DDX39B: variants seen among roughly 807,000 people sequenced by gnomAD.
DDX39B encodes spliceosome RNA helicase DDX39B.
A neutral mutation model predicts 46.4 loss-of-function variants in DDX39B; 6 were observed. The ratio of observed to expected loss-of-function variants is 0.13; its 90% CI spans 0.07 to 0.26. The LOEUF (loss-of-function observed/expected upper bound fraction) is 0.26, where lower values mean the gene tolerates loss of function less well. DDX39B is among the 10% of genes least tolerant of loss of function. The pLI is 1.00. For synonymous variants in DDX39B, 174 were observed against 199.4 expected, an observed-to-expected ratio of 0.87 and a Z score of 1.07; for missense variants, 185 against 553.4, an observed-to-expected ratio of 0.33 and a Z score of 6.68.
At chr6:31,540,767 C>A (rs1206533816) in intron 1 of DDX39B, 103 bp from the exon 2 acceptor site, 2 of 572,276 alleles carry the variant, frequency 3.5e-6, no homozygotes, top group African/African-American at 1.9e-5. Flanking sequence ...GAAACTTTTA[C>A]CTGGAAAGAA....
rs1001010377 is a variant in DDX39B at position 31,531,062 on chromosome 6, G to A, written c.1113C>T (p.Tyr371=). 9 of 1,614,026 alleles carry A rather than the reference G, an allele frequency of 5.6e-6. No individual in the cohort carries two copies. Among genetic ancestry groups the A allele is most frequent in the Non-Finnish European group, 7.6e-6 (9 of 1,180,028 alleles). The stretch of plus-strand genomic sequence containing the variant: ...AGCCTGTGAGGTTTACCCGATGCAG[G>A]TAGGTGTCAGAATCCTCAGGCATGT... The part of the protein sequence containing the change: ...NYDMPEDSDT[Y]LHRVARAGRF... Residue 371 remains tyrosine (Y), a synonymous_variant, in exon 9 of 11, where the codon TAC becomes TAT. Coordinates refer to ENST00000396172, the MANE Select transcript of DDX39B (RefSeq NM_004640.7). This position sits in a 1 kb window ranked among gnomAD's most constrained non-coding sequence, Gnocchi z 5.8.
intron 1 of DDX39B, chr6:31,541,001 A>C (rs1490090918): frequency 4.5e-6 from 2 of 447,522 alleles, no homozygotes; most frequent in Non-Finnish European, 9.0e-6. Context: ...TAACTTAGTA[A>C]AGTGGAAAAT....
In DDX39B at chr6:31,535,550, T is replaced by C. The variant is rs560131473; in HGVS notation, c.617-65A>G. 7.7e-7 allele frequency: 1 copy of C among 1,306,690 alleles called. No individual in the cohort carries two copies. The highest frequency in any genetic ancestry group is 1.1e-6 in the Non-Finnish European group (1 of 912,414). 80.9% of individuals were successfully genotyped at this position (1,306,690 alleles called of 1,614,324 possible). A position where few individuals can be genotyped will look rare whatever the true frequency, so the allele number is the denominator to read the frequency against. On this transcript the variant is annotated intron_variant, in intron 5 of 10. Coordinates refer to ENST00000396172, the MANE Select transcript of DDX39B (RefSeq NM_004640.7). The surrounding 1 kb of genome is among the most constrained non-coding windows in gnomAD (Gnocchi z 4.6). ...AGGTATGATAAACAAAGATTAGAGG[T>C]AGACTTCCCAGTGAGGTGAAGATTG...
In DDX39B at chr6:31,541,927, T is replaced by G. The variant is rs1411198497; in HGVS notation, c.-133+23A>C. On this transcript the variant is annotated intron_variant, in intron 1 of 10. Coordinates refer to ENST00000396172, the MANE Select transcript of DDX39B (RefSeq NM_004640.7). The stretch of plus-strand genomic sequence containing the variant: ...GCGGAGAAGCGCAGATGGAAACGGA[T>G]TGTAGCGAAGGCCAAAGCTTACCTA... 4.6e-6 allele frequency: 3 copies of G among 645,426 alleles called. No homozygotes were observed. In the African/African-American group the frequency reaches 5.4e-5, roughly 12 times the overall value. 40.0% of individuals were successfully genotyped at this position (645,426 alleles called of 1,614,324 possible).
chr6:31,539,993 T>G (rs1768226023), intron 2 of DDX39B, among the ~76,000 whole-genome samples: 2 of 152,236 alleles, frequency 1.3e-5, no homozygotes, highest in South Asian at 4.1e-4. Flanking sequence ...CCCCTGATTT[T>G]TTCTTCCTCA....
At chr6:31,533,212 C>A in intron 6 of DDX39B, 1 of 311,534 alleles carries the variant, frequency 3.2e-6, no homozygotes, top group South Asian at 2.9e-5. Flanking sequence ...GATGCCATTA[C>A]CTCAAATAGA....
chr6:31,535,173 T>G lies in DDX39B; in HGVS notation c.735+194A>C. The G allele has an allele frequency of 1.6e-6, 1 of 622,118 alleles. No homozygotes were observed. The highest frequency in any genetic ancestry group is 2.9e-6 in the Non-Finnish European group (1 of 346,044). The allele number at this position is 622,118 out of a possible 1,614,324, so 38.5% of individuals were successfully genotyped here. On this transcript the variant is annotated intron_variant, in intron 6 of 10. Transcript: ENST00000396172. The surrounding 1 kb of genome is among the most constrained non-coding windows in gnomAD (Gnocchi z 4.6). Reference sequence around the variant, plus strand: ...TTAACCCGACCAAGTCTTCCGGAGTTTCCCTGGCACCCGCGCAGGCCCTAA... The same window carrying G: ...TTAACCCGACCAAGTCTTCCGGAGTGTCCCTGGCACCCGCGCAGGCCCTAA...
At chr6:31,536,761 A>C in intron 4 of DDX39B, 78 bp from the exon 5 acceptor site, 1 of 1,518,052 alleles carries the variant, frequency 6.6e-7, no homozygotes, top group Non-Finnish European at 8.8e-7. Context: ...ACTCTGTTTG[A>C]GCTAAACCAA....
chr6:31,540,947 C>A (rs921634718), intron 1 of DDX39B: 2 of 415,952 alleles, frequency 4.8e-6, no homozygotes, highest in Admixed American at 3.0e-5. Flanking sequence ...CTGAAAGTAA[C>A]AGTGAGGAAA....
At position 31,530,958 on chromosome 6, in the gene DDX39B, C is replaced by T. The variant is rs1295393864; in HGVS notation, c.1123-32G>A. The T allele has an allele frequency of 6.2e-7, 1 of 1,613,742 alleles. No homozygotes were observed. The highest frequency in any genetic ancestry group is 8.5e-7 in the Non-Finnish European group (1 of 1,179,798). ...GGAGACAGAGGGTAGCACTGGAAGA[C>T]CGAAGAGGAAAGAGACCCAGAGGCA... On this transcript the variant is annotated intron_variant, in intron 9 of 10. Transcript: ENST00000396172. The surrounding 1 kb of genome is among the most constrained non-coding windows in gnomAD (Gnocchi z 4.5).
At chr6:31,536,057 C>T (rs142267072) in intron 5 of DDX39B, among the ~76,000 whole-genome samples, 4 of 152,336 alleles carry the variant, frequency 2.6e-5, no homozygotes, top group African/African-American at 7.2e-5. Context: ...TAGAATACCA[C>T]ATCACACAAA....
chr6:31,531,509 A>G lies in DDX39B; in HGVS notation c.868-104T>C. 1 of 912,536 alleles carries G rather than the reference A, an allele frequency of 1.1e-6. No individual in the cohort carries two copies. Among genetic ancestry groups the G allele is most frequent in the Non-Finnish European group, 1.7e-6 (1 of 578,714 alleles). The allele number at this position is 912,536 out of a possible 1,614,324, so 56.5% of individuals were successfully genotyped here. On this transcript the variant is annotated intron_variant, in intron 7 of 10. Transcript: ENST00000396172. The surrounding 1 kb of genome is among the most constrained non-coding windows in gnomAD (Gnocchi z 5.8). ...GGGAGTTTCTAGTAATTACGTTCTC[A>G]GGAATTCCTCTTCATTTCTCTTATT...
intron 1 of DDX39B, chr6:31,541,517 G>C (rs958708224): frequency 7.4e-6 from 3 of 402,894 alleles, no homozygotes; most frequent in African/African-American, 4.2e-5. Flanking sequence ...GCAAGTCAAG[G>C]TGAGAAAAAT....
chr6:31,535,147 A>G lies in DDX39B; in HGVS notation c.735+220T>C, dbSNP rs1346808620. ...AAAGTCGAACACTACCCGCTCTCACATTAACCCGACCAAGTCTTCCGGAGT... is the reference window on the plus strand; with the variant it reads ...AAAGTCGAACACTACCCGCTCTCACGTTAACCCGACCAAGTCTTCCGGAGT... On this transcript the variant is annotated intron_variant, in intron 6 of 10. Transcript: ENST00000396172. This position sits in a 1 kb window ranked among gnomAD's most constrained non-coding sequence, Gnocchi z 4.6. 2 of 604,958 alleles carry G rather than the reference A, an allele frequency of 3.3e-6. No homozygotes were observed. The highest frequency in any genetic ancestry group is 3.7e-5 in the African/African-American group (2 of 54,194). 37.5% of individuals were successfully genotyped at this position (604,958 alleles called of 1,614,324 possible). A position where few individuals can be genotyped will look rare whatever the true frequency, so the allele number is the denominator to read the frequency against.
rs765387543 is a variant in DDX39B, at chr6:31,538,717, C to T, written c.432+46G>A. 18 of 1,547,442 alleles carry T rather than the reference C, an allele frequency of 1.2e-5. No individual in the cohort carries two copies. The Admixed American group carries it at 1.5e-4, about 13-fold the overall frequency. On this transcript the variant is annotated intron_variant, in intron 4 of 10. Transcript: ENST00000396172. ...ATTGGCCTACAAGTTTCTTATCCCT[C>T]CAACTTGCCACACCCTCACTCTCAG...
In DDX39B at chr6:31,539,083, C is replaced by T. The variant is rs779310325; in HGVS notation, c.339+64G>A. Reference sequence around the variant, plus strand: ...CTCTGCAAGCATCATGTAGCTAGGACAAAAACACCCTTCCCTTATAGTCCT... The same window carrying T: ...CTCTGCAAGCATCATGTAGCTAGGATAAAAACACCCTTCCCTTATAGTCCT... On this transcript the variant is annotated intron_variant, in intron 3 of 10. Coordinates refer to ENST00000396172, the MANE Select transcript of DDX39B (RefSeq NM_004640.7). 10 of 1,613,344 alleles carry T rather than the reference C, an allele frequency of 6.2e-6. No individual in the cohort carries two copies. The African/African-American group carries it at 1.3e-4, about 22-fold the overall frequency.
In DDX39B at chr6:31,531,576, A is replaced by C; in HGVS notation, c.868-171T>G. ...AGAGCAGAAAAGGAAATATAACTTT[A>C]CTTCAGCACTGATTTTTCCCTAAGG... On this transcript the variant is annotated intron_variant, in intron 7 of 10. Transcript: ENST00000396172. The surrounding 1 kb of genome is among the most constrained non-coding windows in gnomAD (Gnocchi z 5.8). The C allele has an allele frequency of 3.0e-6, 2 of 663,370 alleles. No individual in the cohort carries two copies. The highest frequency in any genetic ancestry group is 5.1e-6 in the Non-Finnish European group (2 of 392,684). The allele number at this position is 663,370 out of a possible 1,614,324, so 41.1% of individuals were successfully genotyped here.
Position 31,534,211 on chromosome 6 carries a change from G to A in DDX39B, c.735+1156C>T, listed in dbSNP as rs1020187564. The A allele has an allele frequency of 1.7e-5, 4 of 228,820 alleles. No individual in the cohort carries two copies. The East Asian group carries it at 4.7e-4, about 27-fold the overall frequency. The allele number at this position is 228,820 out of a possible 1,614,324, so 14.2% of individuals were successfully genotyped here. A position where few individuals can be genotyped will look rare whatever the true frequency, so the allele number is the denominator to read the frequency against. On this transcript the variant is annotated intron_variant, in intron 6 of 10. Transcript: ENST00000396172. This position sits in a 1 kb window ranked among gnomAD's most constrained non-coding sequence, Gnocchi z 5.1. ...GACAAAGTCTCACTACACTGCCCCAGCTAGTCTCAAATTCCTGGGCTCAAG... is the reference window on the plus strand; with the variant it reads ...GACAAAGTCTCACTACACTGCCCCAACTAGTCTCAAATTCCTGGGCTCAAG...
chr6:31,534,282 G>A lies in DDX39B; in HGVS notation c.735+1085C>T. Reference sequence around the variant, plus strand: ...CCCAAAGTGCTGGGATTAGAGGTGAGCCACCAGGCCCAGCCAAGGCAGGCT... The same window carrying A: ...CCCAAAGTGCTGGGATTAGAGGTGAACCACCAGGCCCAGCCAAGGCAGGCT... On this transcript the variant is annotated intron_variant, in intron 6 of 10. Coordinates refer to ENST00000396172, the MANE Select transcript of DDX39B (RefSeq NM_004640.7). The surrounding 1 kb of genome is among the most constrained non-coding windows in gnomAD (Gnocchi z 5.1). 2 of 314,902 alleles carry A rather than the reference G, an allele frequency of 6.4e-6. No individual in the cohort carries two copies. The highest frequency in any genetic ancestry group is 1.3e-5 in the Non-Finnish European group (2 of 154,290). 19.5% of individuals were successfully genotyped at this position (314,902 alleles called of 1,614,324 possible). A position where few individuals can be genotyped will look rare whatever the true frequency, so the allele number is the denominator to read the frequency against.
Sources: gnomAD v4.1 joint callset for allele counts (sites outside exome capture counted in the v4.1 genomes callset) on GRCh38, gnomAD v4.1.1 for gene constraint, Gnocchi (gnomAD v3.1) non-coding constraint, MANE v1.5 for transcripts, NCBI Gene and HGNC (gene_info 2026-07-23, HGNC 2026-07-21) for gene names.